PLA2G6: variants seen among roughly 807,000 people sequenced by gnomAD.
PLA2G6 encodes the protein phospholipase A2 group VI.
Under a neutral mutation model 83.8 loss-of-function variants are expected in PLA2G6, and 62 were observed. The ratio of observed to expected loss-of-function variants is 0.74; its 90% CI spans 0.60 to 0.91. PLA2G6 has a LOEUF of 0.91. Ranked by LOEUF, PLA2G6 falls within the 40% of genes least tolerant of loss-of-function variation. The pLI is 0.00. For missense variants in PLA2G6, 944 were observed against 1,102.0 expected (o/e 0.86, Z 2.03); for synonymous variants, 417 against 449.8 (o/e 0.93, Z 0.92).
chr22:38,134,614 C>A, intron 6 of PLA2G6: 1 of 244,884 alleles, frequency 4.1e-6, no homozygotes, highest in Non-Finnish European at 8.1e-6. Flanking sequence ...ATATATATCT[C>A]CTGTTAGTTC....
intron 2 of PLA2G6, among the ~76,000 whole-genome samples, chr22:38,154,922 G>T (rs2089714953): frequency 6.6e-6 from 1 of 152,162 alleles, no homozygotes; most frequent in Non-Finnish European, 1.5e-5. Flanking sequence ...CAAAGAGATT[G>T]AAATAATTTA....
At chr22:38,155,184 G>A (rs545757243) in intron 2 of PLA2G6, among the ~76,000 whole-genome samples, 8 of 150,942 alleles carry the variant, frequency 5.3e-5, no homozygotes, top group Non-Finnish European at 1.0e-4. Context: ...CGGAAATCGC[G>A]CCACTGCACT....
intron 4 of PLA2G6, 35 bp downstream of exon 4, chr22:38,143,070 T>TCAGTAC (rs771938285): frequency 1.3e-6 from 2 of 1,596,358 alleles, no homozygotes; most frequent in Non-Finnish European, 1.7e-6. Flanking sequence ...CCGGGAGGTA[T>TCAGTAC]CAGTACCAGT....
chr22:38,121,771 G>A (rs2087541483), intron 11 of PLA2G6, among the ~76,000 whole-genome samples: 1 of 152,210 alleles, frequency 6.6e-6, no homozygotes, highest in South Asian at 2.1e-4. Flanking sequence ...CCCTTTTGGA[G>A]AAGAAGCTAG....
chr22:38,113,994 G>A, intron 14 of PLA2G6: 2 of 408,954 alleles, frequency 4.9e-6, no homozygotes, highest in Non-Finnish European at 9.5e-6. Context: ...GGTGTTCCTT[G>A]GTGTTGGTGA....
At chr22:38,144,956 GCA>G (rs2089159254) in intron 3 of PLA2G6, 2 of 353,632 alleles carry the variant, frequency 5.7e-6, no homozygotes, top group Middle Eastern at 3.7e-4. Flanking sequence ...CACAGACCTG[GCA>G]CCTGGTGAGC....
chr22:38,127,204 G>A (rs3788532), intron 9 of PLA2G6: 480,963 of 1,186,470 alleles, frequency 0.41, 100,522 homozygotes, highest in South Asian at 0.45. Context: ...CGAGGGCTGC[G>A]AAGCGGTGTC....
intron 2 of PLA2G6, among the ~76,000 whole-genome samples, chr22:38,156,718 G>A (rs10427916): frequency 0.016 from 2,447 of 152,190 alleles, 70 homozygotes; most frequent in African/African-American, 0.056. Context: ...CTCCCAAAGC[G>A]CTGGGATTAC....
rs143826762 is a variant in PLA2G6 at position 38,120,886 on chromosome 22, C to T, written c.1615G>A (p.Gly539Ser). The change falls in exon 12 of 17, where the codon GGC becomes AGC. Residue 539 changes from glycine to serine, a missense_variant. Gly to Ser is a moderately conservative substitution (Grantham distance 56, BLOSUM62 0). Coordinates refer to ENST00000332509, the MANE Select transcript of PLA2G6 (RefSeq NM_003560.4). ...TCATCCTTCATGCGAAAGTACATGC[C>T]GCGCATGTAGGCCATGGACTTACCT... ...LHSKSMAYMR[G>S]MYFRMKDEVF... The T allele has an allele frequency of 1.4e-3, 2,211 of 1,613,682 alleles. 1 individual carries two copies. Among genetic ancestry groups the T allele is most frequent in the Non-Finnish European group, 1.7e-3 (2,042 of 1,179,998 alleles).
At chr22:38,161,927 G>A (rs762343243) in intron 2 of PLA2G6, among the ~76,000 whole-genome samples, 19 of 152,112 alleles carry the variant, frequency 1.2e-4, no homozygotes, top group South Asian at 2.1e-4. Context: ...CAATAGGGCC[G>A]GGCAGGGTGG....
intron 2 of PLA2G6, among the ~76,000 whole-genome samples, chr22:38,166,085 G>C (rs548355939): frequency 6.6e-6 from 1 of 152,170 alleles, no homozygotes; most frequent in Non-Finnish European, 1.5e-5. Flanking sequence ...GCAGCAAGAC[G>C]GAGGGAGAAA....
Position 38,132,970 on chromosome 22 carries a change from G to A in PLA2G6, c.938C>T (p.Thr313Ile), listed in dbSNP as rs561100484. Residue 313 changes from threonine to isoleucine, a missense_variant, in exon 7 of 17, where the codon ACC (threonine) becomes ATC (isoleucine). Coordinates refer to ENST00000332509, the MANE Select transcript of PLA2G6 (RefSeq NM_003560.4). The surrounding 1 kb of genome is among the most constrained non-coding windows in gnomAD (Gnocchi z 5.0). ...CAGGGCCGTGTTCCCCGCGGAGCTG[G>A]TGCTGTTCACGTTGCAGCCCCGTTT... is the stretch of plus-strand genomic sequence containing the variant. ...LLKRGCNVNSTSSAGNTALHV... is the reference protein window; with the variant it reads ...LLKRGCNVNSISSAGNTALHV... 4 of 1,566,116 alleles carry A rather than the reference G, an allele frequency of 2.6e-6. No homozygotes were observed. The African/African-American group carries it at 5.4e-5, about 21-fold the overall frequency.
At chr22:38,114,252 C>T (rs1403975963) in intron 14 of PLA2G6, among the ~76,000 whole-genome samples, 3 of 151,554 alleles carry the variant, frequency 2.0e-5, no homozygotes, top group Middle Eastern at 6.8e-3. Flanking sequence ...GCGATCTCGG[C>T]TCACTGCAAG....
chr22:38,117,803 C>T (rs938423101), intron 12 of PLA2G6, among the ~76,000 whole-genome samples: 10 of 151,760 alleles, frequency 6.6e-5, no homozygotes, highest in African/African-American at 1.5e-4. Flanking sequence ...TTTGGGAGGC[C>T]GAGGTGGGTG....
chr22:38,158,721 A>T (rs1365666518), intron 2 of PLA2G6, among the ~76,000 whole-genome samples: 2 of 152,142 alleles, frequency 1.3e-5, no homozygotes, highest in Non-Finnish European at 2.9e-5. Context: ...TCTTGAAAAG[A>T]ATGTGTATTC....
chr22:38,165,592 G>A (rs550393120), intron 2 of PLA2G6, among the ~76,000 whole-genome samples: 54 of 152,308 alleles, frequency 3.5e-4, no homozygotes, highest in Middle Eastern at 3.4e-3. Context: ...ACAGGAAGCT[G>A]GCCGGGCGCG....
intron 2 of PLA2G6, chr22:38,148,413 A>T (rs1602197424): frequency 7.2e-6 from 5 of 694,282 alleles, no homozygotes; most frequent in Non-Finnish European, 1.3e-5. Context: ...CCTACTGAGG[A>T]CAGCCAGAAA....
chr22:38,129,570 A>T lies in PLA2G6; in HGVS notation c.1078-8T>A. The T allele has an allele frequency of 6.2e-7, 1 of 1,603,376 alleles. No homozygotes were observed. Among genetic ancestry groups the T allele is most frequent in the Non-Finnish European group, 8.5e-7 (1 of 1,170,372 alleles). The stretch of plus-strand genomic sequence containing the variant: ...CATCTCCACGTTGTCTTTCTGTTGG[A>T]GATGGAGAGAGGATAAGACGTGCAA... On this transcript the variant is annotated splice_polypyrimidine_tract_variant and splice_region_variant and intron_variant, in intron 7 of 16. Coordinates refer to ENST00000332509, the MANE Select transcript of PLA2G6 (RefSeq NM_003560.4).
Position 38,132,642 on chromosome 22 carries a change from G to A in PLA2G6, c.1077+189C>T. The A allele has an allele frequency of 1.6e-6, 1 of 607,224 alleles. No individual in the cohort carries two copies. Among genetic ancestry groups the A allele is most frequent in the Non-Finnish European group, 2.9e-6 (1 of 341,808 alleles). 37.6% of individuals were successfully genotyped at this position (607,224 alleles called of 1,614,324 possible). A position where few individuals can be genotyped will look rare whatever the true frequency, so the allele number is the denominator to read the frequency against. On this transcript the variant is annotated intron_variant, in intron 7 of 16. Coordinates refer to ENST00000332509, the MANE Select transcript of PLA2G6 (RefSeq NM_003560.4). This position sits in a 1 kb window ranked among gnomAD's most constrained non-coding sequence, Gnocchi z 5.0. ...AGCACACAGGAGGTGGTGTTATTTT[G>A]GGCTGAGAGGGGGACTTGGAAGGCT...
Sources: gnomAD v4.1 joint callset for allele counts (sites outside exome capture counted in the v4.1 genomes callset) on GRCh38, gnomAD v4.1.1 for gene constraint, Gnocchi (gnomAD v3.1) non-coding constraint, MANE v1.5 for transcripts, NCBI Gene and HGNC (gene_info 2026-07-23, HGNC 2026-07-21) for gene names.